Variants in CSMD1 observed in about 807,000 individuals in gnomAD.
The protein encoded by CSMD1 is CUB and Sushi multiple domains 1, also known as CUB and sushi domain-containing protein 1.
CSMD1 carries 213 observed loss-of-function variants against 417.5 expected under a neutral mutation model. The ratio of observed to expected loss-of-function variants is 0.51; its 90% CI spans 0.46 to 0.57. CSMD1 has a LOEUF of 0.57. CSMD1 is among the 20% of genes least tolerant of loss of function. The pLI, the probability that CSMD1 is intolerant of heterozygous loss-of-function variation, is 0.00. For synonymous variants in CSMD1, 2,862 were observed against 1,736.8 expected (o/e 1.65, Z -16.11); for missense variants, 6,923 against 4,529.7 (o/e 1.53, Z -15.17).
intron 18 of CSMD1, among the ~76,000 whole-genome samples, chr8:3,382,507 T>TATATATATATAAATTTATATAAA (rs1810697692): frequency 7.6e-6 from 1 of 131,610 alleles, no homozygotes; most frequent in Non-Finnish European, 1.6e-5. Flanking sequence ...GTATATAAAT[T>TATATATATATAAATTTATATAAA]TATATATATA....
Position 2,963,345 on chromosome 8 carries a change from T to C in CSMD1, c.9331A>G (p.Ser3111Gly). 1.9e-6 allele frequency: 3 copies of C among 1,613,956 alleles called. No individual in the cohort carries two copies. Among genetic ancestry groups the C allele is most frequent in the Non-Finnish European group, 1.7e-6 (2 of 1,179,868 alleles). Reference protein sequence around the residue: ...PPVQNGTVEGSDFRWGSSISY... With the variant: ...PPVQNGTVEGGDFRWGSSISY... ...ATGCTGGAGCCCCAGCGGAAATCAC[T>C]TCCCTCCACTGTTCCATTCTGCACC... The change falls in exon 60 of 70, where the codon AGT becomes GGT. Residue 3111 changes from serine to glycine, a missense_variant. Physicochemically the swap from Ser to Gly is moderately conservative, Grantham distance 56 (BLOSUM62 0). Coordinates refer to ENST00000635120, the MANE Select transcript of CSMD1 (RefSeq NM_033225.6).
In CSMD1 at chr8:4,801,491, G is replaced by A. The variant is rs1405163117; in HGVS notation, c.86-163933C>T. 5.3e-5 allele frequency among the ~76,000 whole-genome samples: 8 copies of A among 152,046 alleles called. No individual in the cohort carries two copies. The East Asian group carries it at 1.5e-3, about 29-fold the overall frequency. On this transcript the variant is annotated intron_variant, in intron 1 of 69. Transcript: ENST00000635120. Reference sequence around the variant, plus strand: ...TTTTTTCTTTTCTTCAAATTGAGGGGCGCAAGTACTTAATGTCATTTTGAA... The same window carrying A: ...TTTTTTCTTTTCTTCAAATTGAGGGACGCAAGTACTTAATGTCATTTTGAA...
intron 9 of CSMD1, among the ~76,000 whole-genome samples, chr8:3,583,442 G>C (rs1384623429): frequency 6.6e-6 from 1 of 151,956 alleles, no homozygotes; most frequent in Non-Finnish European, 1.5e-5. Flanking sequence ...AAGAGCTAGA[G>C]ATATTCCTGG....
At chr8:3,405,839 GA>G (rs1812311750) in intron 15 of CSMD1, among the ~76,000 whole-genome samples, 187 bp downstream of exon 15, 1 of 152,198 alleles carries the variant, frequency 6.6e-6, no homozygotes, top group East Asian at 1.9e-4. Context: ...CCCTGCCGAT[GA>G]CACCTGGATC....
At chr8:2,942,630 T>G (rs1801960118) in intron 68 of CSMD1, 26 bp from the exon 69 acceptor site, 1 of 1,529,782 alleles carries the variant, frequency 6.5e-7, no homozygotes, top group South Asian at 1.2e-5. Flanking sequence ...AATATTAAAT[T>G]TGTTGTTACT....
chr8:4,212,745 C>A (rs964349022), intron 3 of CSMD1, among the ~76,000 whole-genome samples: 2 of 108,316 alleles, frequency 1.8e-5, no homozygotes, highest in African/African-American at 4.8e-5. Flanking sequence ...CAACAGCGGC[C>A]TTATTCTTTT....
At chr8:4,788,209 C>G in intron 1 of CSMD1, 1 of 1,590,082 alleles carries the variant, frequency 6.3e-7, no homozygotes, top group Non-Finnish European at 8.6e-7. Context: ...CTTTGAGTAA[C>G]ATCTGCGCAT....
chr8:3,997,251 G>T (rs1052796670), intron 5 of CSMD1, among the ~76,000 whole-genome samples: 10 of 152,162 alleles, frequency 6.6e-5, no homozygotes, highest in Admixed American at 4.6e-4. Flanking sequence ...GGCACTTATG[G>T]ACACAAACGA....
chr8:3,939,297 A>C (rs1424313728), intron 5 of CSMD1, among the ~76,000 whole-genome samples: 2 of 152,184 alleles, frequency 1.3e-5, no homozygotes, highest in Non-Finnish European at 2.9e-5. Context: ...ATGCAAATTA[A>C]AACCGCAATG....
At chr8:3,253,419 T>A (rs192302935) in intron 26 of CSMD1, among the ~76,000 whole-genome samples, 110 of 152,336 alleles carry the variant, frequency 7.2e-4, no homozygotes, top group African/African-American at 2.6e-3. Flanking sequence ...TCTGTTCTTT[T>A]ACATTTGCTG....
At chr8:3,510,654 G>C (rs1797025751) in intron 10 of CSMD1, among the ~76,000 whole-genome samples, 2 of 151,192 alleles carry the variant, frequency 1.3e-5, no homozygotes, top group Admixed American at 1.3e-4. Context: ...TCACATTTCA[G>C]ATTATGTAAG....
intron 1 of CSMD1, among the ~76,000 whole-genome samples, chr8:4,817,382 C>A (rs1370487429): frequency 6.6e-6 from 1 of 152,118 alleles, no homozygotes; most frequent in Non-Finnish European, 1.5e-5. Flanking sequence ...AAAAATGAGG[C>A]CTGCTTGGCA....
chr8:3,692,745 G>C (rs903837316), intron 7 of CSMD1, among the ~76,000 whole-genome samples: 17 of 152,150 alleles, frequency 1.1e-4, no homozygotes, highest in Admixed American at 1.0e-3. Flanking sequence ...AACAATTTCT[G>C]AGAATGAACT....
At chr8:4,979,056 A>G (rs1248243808) in intron 1 of CSMD1, among the ~76,000 whole-genome samples, 1 of 152,198 alleles carries the variant, frequency 6.6e-6, no homozygotes, top group Non-Finnish European at 1.5e-5. Context: ...TTCTTTTCAT[A>G]GTCACTTCAA....
intron 5 of CSMD1, among the ~76,000 whole-genome samples, chr8:3,935,963 T>C (rs1810464257): frequency 6.6e-6 from 1 of 152,270 alleles, no homozygotes; most frequent in Middle Eastern, 3.4e-3. Flanking sequence ...AAGGAAAAGT[T>C]CTTGAAATAT....
intron 3 of CSMD1, among the ~76,000 whole-genome samples, chr8:4,263,405 T>G (rs140595474): frequency 6.6e-6 from 1 of 152,208 alleles, no homozygotes; most frequent in Non-Finnish European, 1.5e-5. Context: ...ACATTTCTAT[T>G]ACATTCAGGT....
intron 3 of CSMD1, among the ~76,000 whole-genome samples, chr8:4,385,943 C>G (rs1803418918): frequency 6.6e-6 from 1 of 152,210 alleles, no homozygotes; most frequent in Admixed American, 6.5e-5. Flanking sequence ...CCTCAACATT[C>G]AGATACCCAA....
chr8:3,799,726 G>A (rs1411419221), intron 5 of CSMD1, among the ~76,000 whole-genome samples: 3 of 151,838 alleles, frequency 2.0e-5, no homozygotes, highest in East Asian at 1.9e-4. Context: ...GACATTCTGT[G>A]CATTGTTTTA....
At chr8:3,299,933 C>T (rs1584954878) in intron 25 of CSMD1, among the ~76,000 whole-genome samples, 1 of 152,046 alleles carries the variant, frequency 6.6e-6, no homozygotes, top group Admixed American at 6.6e-5. Flanking sequence ...TTGGTAATGG[C>T]TATAAAAATT....
Sources: allele counts gnomAD v4.1 joint callset (sites outside exome capture counted in the v4.1 genomes callset), GRCh38; gene constraint gnomAD v4.1.1; transcripts MANE v1.5; gene names NCBI Gene and HGNC (gene_info 2026-07-23, HGNC 2026-07-21).